The following LINGO2 variants were observed in gnomAD, a reference collection of about 807,000 sequenced individuals.
The protein encoded by LINGO2 is leucine rich repeat and Ig domain containing 2, also known as leucine-rich repeat and immunoglobulin-like domain-containing nogo receptor-interacting protein 2.
A neutral mutation model predicts 30.6 loss-of-function variants in LINGO2; 14 were observed. That is an observed-to-expected ratio of 0.46 (90% CI 0.30 to 0.72). The LOEUF (loss-of-function observed/expected upper bound fraction) is 0.72. Among genes scored for constraint, LINGO2 ranks in the 30% least tolerant of loss-of-function variants. LINGO2 has a pLI of 0.07. For missense variants in LINGO2, 729 were observed against 751.7 expected (o/e 0.97, Z 0.35); for synonymous variants, 317 against 288.5 (o/e 1.10, Z -1.00).
At chr9:27,951,279 T>C (rs1259305169) in intron 5 of LINGO2, among the ~76,000 whole-genome samples, 1 of 152,228 alleles carries the variant, frequency 6.6e-6, no homozygotes, top group Admixed American at 6.5e-5. Context: ...TTTTAACCTT[T>C]GAATTTTAAT....
the LINGO2 span, among the ~76,000 whole-genome samples, chr9:28,947,767 T>C: frequency 2.0e-5 from 3 of 151,582 alleles, no homozygotes; most frequent in Non-Finnish European, 2.9e-5. Flanking sequence ...ATGTAATATG[T>C]ATATATAGTA....
chr9:29,042,514 A>C, the LINGO2 span, among the ~76,000 whole-genome samples: 1 of 152,018 alleles, frequency 6.6e-6, no homozygotes. Flanking sequence ...TCAACAATTA[A>C]AAATGAATAA....
At chr9:28,691,548 A>G in the LINGO2 span, among the ~76,000 whole-genome samples, 4 of 151,908 alleles carry the variant, frequency 2.6e-5, no homozygotes, top group Admixed American at 6.6e-5. Flanking sequence ...GTTTTGTTCA[A>G]CTTCTCTATT....
At chr9:28,540,767 C>T (rs1214794412) in intron 1 of LINGO2, among the ~76,000 whole-genome samples, 2 of 152,126 alleles carry the variant, frequency 1.3e-5, no homozygotes, top group Admixed American at 1.3e-4. Context: ...TAATTCCACA[C>T]TATAGAAGAT....
At chr9:28,766,827 A>AAGGAGAGAGAGAGAGAGAGG in the LINGO2 span, among the ~76,000 whole-genome samples, 2 of 51,060 alleles carry the variant, frequency 3.9e-5, no homozygotes, top group African/African-American at 1.9e-4. Context: ...AGAGAGAGAG[A>AAGGAGAGAGAGAGAGAGAGG]GAAGGAGAGA....
At chr9:28,754,168 T>C in the LINGO2 span, among the ~76,000 whole-genome samples, 1 of 152,068 alleles carries the variant, frequency 6.6e-6, no homozygotes, top group East Asian at 1.9e-4. Context: ...ATGTACTGTG[T>C]ACTATTTTAT....
intron 3 of LINGO2, among the ~76,000 whole-genome samples, chr9:28,326,545 T>C (rs1339568311): frequency 6.6e-6 from 1 of 152,232 alleles, no homozygotes; most frequent in Non-Finnish European, 1.5e-5. Context: ...TTACTGTATT[T>C]GTTGTTCACC....
intron 2 of LINGO2, among the ~76,000 whole-genome samples, chr9:28,373,362 A>G (rs2134582670): frequency 6.6e-6 from 1 of 152,264 alleles, no homozygotes; most frequent in African/African-American, 2.4e-5. Context: ...TTACTCCCCT[A>G]ATAATCTGTT....
At chr9:28,728,643 G>C in the LINGO2 span, among the ~76,000 whole-genome samples, 1 of 151,630 alleles carries the variant, frequency 6.6e-6, no homozygotes, top group African/African-American at 2.4e-5. Context: ...TGCTAATATC[G>C]CTCTCCCCTA....
chr9:28,264,899 T>C (rs1822692095), intron 4 of LINGO2, among the ~76,000 whole-genome samples: 2 of 151,918 alleles, frequency 1.3e-5, no homozygotes, highest in Admixed American at 1.3e-4. Context: ...GGGTGGGACT[T>C]GTCTAATCAG....
chr9:28,863,904 C>A, the LINGO2 span, among the ~76,000 whole-genome samples: 1 of 151,988 alleles, frequency 6.6e-6, no homozygotes, highest in South Asian at 2.1e-4. Context: ...TAAATGCATG[C>A]TTTCTATATT....
At chr9:28,557,276 C>T (rs527746668) in intron 1 of LINGO2, among the ~76,000 whole-genome samples, 1 of 151,990 alleles carries the variant, frequency 6.6e-6, no homozygotes, top group South Asian at 2.1e-4. Flanking sequence ...CCAGAATCTA[C>T]AATGAACTCC....
intron 4 of LINGO2, among the ~76,000 whole-genome samples, chr9:28,068,979 T>A (rs1020025793): frequency 1.3e-5 from 2 of 152,110 alleles, no homozygotes; most frequent in Admixed American, 6.6e-5. Context: ...AGATATTGTA[T>A]CCTCCAGAAA....
intron 1 of LINGO2, chr9:28,599,420 T>A (rs1825365150): frequency 6.6e-6 from 1 of 152,160 alleles, no homozygotes; most frequent in Non-Finnish European, 1.5e-5. Flanking sequence ...TTTAAGTAAA[T>A]GCTGTTTTAA....
At chr9:28,302,477 G>A (rs188147255) in intron 3 of LINGO2, among the ~76,000 whole-genome samples, 83 of 152,228 alleles carry the variant, frequency 5.5e-4, no homozygotes, top group South Asian at 2.3e-3. Flanking sequence ...TCAGGAGTTC[G>A]AGATCAGCCT....
At chr9:28,917,890 A>C in the LINGO2 span, among the ~76,000 whole-genome samples, 1 of 151,984 alleles carries the variant, frequency 6.6e-6, no homozygotes, top group Admixed American at 6.6e-5. Context: ...AGTCATTAAT[A>C]CGAAGTCCAG....
chr9:28,983,877 T>A, the LINGO2 span, among the ~76,000 whole-genome samples: 2 of 152,022 alleles, frequency 1.3e-5, no homozygotes, highest in African/African-American at 4.8e-5. Flanking sequence ...ATTAAAAAGA[T>A]AGCACCATAC....
intron 4 of LINGO2, 117 bp downstream of exon 6, chr9:28,295,091 C>T (rs1006454211): frequency 6.6e-6 from 1 of 152,174 alleles, no homozygotes. Flanking sequence ...CTTTAACAAC[C>T]TGCTCTGTGG....
chr9:28,790,445 C>A, the LINGO2 span, among the ~76,000 whole-genome samples: 2 of 150,068 alleles, frequency 1.3e-5, no homozygotes, highest in Non-Finnish European at 3.0e-5. Flanking sequence ...TCTCCTGCCT[C>A]AGCCTCTGGA....
Sources: allele counts gnomAD v4.1 joint callset (sites outside exome capture counted in the v4.1 genomes callset), GRCh38; gene constraint gnomAD v4.1.1; transcripts MANE v1.5; gene names NCBI Gene and HGNC (gene_info 2026-07-23, HGNC 2026-07-21).